PCDHA5: variants seen among roughly 807,000 people sequenced by gnomAD.
The protein encoded by PCDHA5 is protocadherin alpha 5, also known as protocadherin alpha-5.
In PCDHA5, 43 loss-of-function variants were observed where a neutral mutation model predicts 61.6. That is an observed-to-expected ratio of 0.70 (90% CI 0.55 to 0.90). The LOEUF is 0.90. Among genes scored for constraint, PCDHA5 ranks in the 40% least tolerant of loss-of-function variants. PCDHA5 has a pLI of 0.00. For missense variants in PCDHA5, 1,298 were observed against 1,222.7 expected, an observed-to-expected ratio of 1.06 and a Z score of -0.92; for synonymous variants, 627 against 543.9, an observed-to-expected ratio of 1.15 and a Z score of -2.13.
At position 140,857,263 on chromosome 5, in the gene PCDHA5, A is replaced by G. The variant is rs367883816; in HGVS notation, c.2352+33136A>G. On this transcript the variant is annotated intron_variant, in intron 1 of 3. Coordinates refer to ENST00000529859, the MANE Select transcript of PCDHA5 (RefSeq NM_018908.3). The stretch of plus-strand genomic sequence containing the variant: ...TGTCCACCTACAAGAATTACTACTC[A>G]TTGGTGCTGGACAGCGCTCTGGACC... 5.0e-5 allele frequency: 80 copies of G among 1,598,534 alleles called. 2 individuals carry two copies. In the East Asian group the frequency reaches 1.3e-3, roughly 25 times the overall value.
chr5:140,828,605 C>T, intron 1 of PCDHA5: 1 of 1,614,210 alleles, frequency 6.2e-7, no homozygotes, highest in Non-Finnish European at 8.5e-7. Context: ...AACCTATAAA[C>T]TCAGTTCTAG....
At chr5:140,882,092 A>C (rs59479) in intron 1 of PCDHA5, 748,334 of 1,137,016 alleles carry the variant, frequency 0.66, 247,467 homozygotes, top group African/African-American at 0.7. Flanking sequence ...CTTCACTGAG[A>C]ACGTTTCCGC....
intron 1 of PCDHA5, chr5:140,968,774 C>G: frequency 6.2e-7 from 1 of 1,614,206 alleles, no homozygotes; most frequent in Non-Finnish European, 8.5e-7. Flanking sequence ...AGAGCCATCA[C>G]TATCAGCCTC....
In PCDHA5 at chr5:140,854,901, T is replaced by C. The variant is rs1371742566; in HGVS notation, c.2352+30774T>C. On this transcript the variant is annotated intron_variant, in intron 1 of 3. Transcript: ENST00000529859. ...CTTTTGGGCATTTGAAAAGCGTAAA[T>C]ATAACAGGGTTGAAAGCATTTGCCT... 1.1e-4 allele frequency among the ~76,000 whole-genome samples: 17 copies of C among 149,996 alleles called. No individual in the cohort carries two copies. In the Admixed American group the frequency reaches 1.1e-3, roughly 10 times the overall value.
chr5:140,893,817 C>T (rs951661016), intron 1 of PCDHA5, among the ~76,000 whole-genome samples: 73 of 152,098 alleles, frequency 4.8e-4, no homozygotes, highest in African/African-American at 1.7e-3. Context: ...AGTCTGGTAC[C>T]GTAGACTACT....
At chr5:140,825,167 A>G (rs2150138506) in intron 1 of PCDHA5, 1 of 151,640 alleles carries the variant, frequency 6.6e-6, no homozygotes, top group East Asian at 1.9e-4. Flanking sequence ...TGCTTTTTTC[A>G]TTTACTAATG....
intron 1 of PCDHA5, chr5:140,850,906 T>A: frequency 6.4e-7 from 1 of 1,550,722 alleles, no homozygotes; most frequent in Non-Finnish European, 8.7e-7. Context: ...TTTTCTAGCA[T>A]TTTATTTATT....
chr5:140,914,302 A>G (rs1168032612), intron 1 of PCDHA5, among the ~76,000 whole-genome samples: 4 of 152,144 alleles, frequency 2.6e-5, no homozygotes, highest in African/African-American at 9.7e-5. Context: ...CTCTTGCTGA[A>G]TTGACCCCAT....
At chr5:140,883,690 C>T (rs1313254041) in intron 1 of PCDHA5, 1 of 1,613,870 alleles carries the variant, frequency 6.2e-7, no homozygotes, top group Non-Finnish European at 8.5e-7. Context: ...GCTGCCACAT[C>T]TTCACGGTGT....
chr5:140,828,061 T>G (rs2150150481), intron 1 of PCDHA5: 2 of 1,556,836 alleles, frequency 1.3e-6, no homozygotes, highest in East Asian at 4.5e-5. Context: ...CGGAAGATCT[T>G]CTAATGGAAA....
At chr5:141,006,644 T>C (rs1411431797) in intron 3 of PCDHA5, among the ~76,000 whole-genome samples, 3 of 152,084 alleles carry the variant, frequency 2.0e-5, no homozygotes, top group African/African-American at 7.2e-5. Context: ...ATATAAGAGA[T>C]GATGGTGTCC....
chr5:140,898,114 G>A (rs367767804), intron 1 of PCDHA5, among the ~76,000 whole-genome samples: 18 of 151,862 alleles, frequency 1.2e-4, no homozygotes, highest in Non-Finnish European at 2.4e-4. Context: ...AGTAGGTTGC[G>A]AAAATTTTCT....
intron 1 of PCDHA5, among the ~76,000 whole-genome samples, chr5:140,902,174 T>C (rs1191904492): frequency 1.3e-5 from 2 of 151,720 alleles, no homozygotes; most frequent in Non-Finnish European, 2.9e-5. Context: ...AATTTGGATG[T>C]CCTTTATGTC....
chr5:140,862,882 G>T (rs782187514), intron 1 of PCDHA5: 2 of 564,526 alleles, frequency 3.5e-6, no homozygotes, highest in Non-Finnish European at 6.8e-6. Flanking sequence ...TATTAGTGCT[G>T]GAACGACAAC....
At chr5:140,857,667 G>T (rs375722457) in intron 1 of PCDHA5, 10 of 1,596,922 alleles carry the variant, frequency 6.3e-6, no homozygotes, top group East Asian at 4.5e-5. Flanking sequence ...CGCGATGGGG[G>T]CGTGCCGCCT....
intron 1 of PCDHA5, among the ~76,000 whole-genome samples, chr5:140,896,522 G>A (rs1228394123): frequency 6.7e-6 from 1 of 149,268 alleles, no homozygotes; most frequent in Non-Finnish European, 1.5e-5. Context: ...ACACCACAAA[G>A]CCCAGCTATT....
At chr5:141,005,285 A>T (rs1285354488) in intron 3 of PCDHA5, among the ~76,000 whole-genome samples, 1 of 152,218 alleles carries the variant, frequency 6.6e-6, no homozygotes, top group Non-Finnish European at 1.5e-5. Context: ...ATAAACAGAT[A>T]CATTTTTTGC....
At chr5:140,862,874 T>C in intron 1 of PCDHA5, 2 of 568,426 alleles carry the variant, frequency 3.5e-6, no homozygotes, top group Non-Finnish European at 3.4e-6. Flanking sequence ...CTGCCAGGTA[T>C]TAGTGCTGGA....
intron 1 of PCDHA5, chr5:140,860,456 A>T (rs2046407427): frequency 6.6e-6 from 1 of 152,196 alleles, no homozygotes; most frequent in Non-Finnish European, 1.5e-5. Context: ...AATTCACGTG[A>T]TAATACAGTT....
Sources: gnomAD v4.1 joint callset for allele counts (sites outside exome capture counted in the v4.1 genomes callset) on GRCh38, gnomAD v4.1.1 for gene constraint, MANE v1.5 for transcripts, NCBI Gene and HGNC (gene_info 2026-07-23, HGNC 2026-07-21) for gene names.